ABCA13: variants seen among roughly 807,000 people sequenced by gnomAD.
ABCA13 encodes the protein ATP binding cassette subfamily A member 13, also known as ATP-binding cassette sub-family A member 13.
ABCA13 carries 476 observed loss-of-function variants against 478.7 expected under a neutral mutation model. That is an observed-to-expected ratio of 0.99 (90% CI 0.92 to 1.07). The LOEUF (loss-of-function observed/expected upper bound fraction) is 1.07. Ranked by LOEUF, ABCA13 falls within the 50% of genes least tolerant of loss-of-function variation. The pLI is 0.00. For synonymous variants in ABCA13, 2,252 were observed against 2,158.9 expected, an observed-to-expected ratio of 1.04 and a Z score of -1.20; for missense variants, 6,060 against 5,910.6, an observed-to-expected ratio of 1.03 and a Z score of -0.83.
At chr7:48,486,281 A>G (rs1005932858) in intron 47 of ABCA13, among the ~76,000 whole-genome samples, 3 of 152,076 alleles carry the variant, frequency 2.0e-5, no homozygotes, top group African/African-American at 4.8e-5. Context: ...AGTTCTTACA[A>G]TTGCACCCTT....
chr7:48,412,541 G>T lies in ABCA13; in HGVS notation c.12417G>T (p.Leu4139=), dbSNP rs1395307027. 5.6e-6 allele frequency: 9 copies of T among 1,612,932 alleles called. No individual in the cohort carries two copies. The Admixed American group carries it at 1.5e-4, about 27-fold the overall frequency. The change falls in exon 41 of 62, where the codon CTG becomes CTT. Residue 4139 remains leucine (L), a synonymous_variant. Transcript: ENST00000435803. ...FQALDENLHQ[L]HLTGYGISDT... ...CCCTGGATGAGAACCTGCATCAGCTGCACCTGACGGGCTATGGGATCTCAG... is the reference window on the plus strand; with the variant it reads ...CCCTGGATGAGAACCTGCATCAGCTTCACCTGACGGGCTATGGGATCTCAG...
intron 49 of ABCA13, 35 bp from the exon 50 acceptor site, chr7:48,507,837 T>G (rs757253554): frequency 6.4e-7 from 1 of 1,550,612 alleles, no homozygotes; most frequent in South Asian, 1.2e-5. Flanking sequence ...GTGTTCTTCG[T>G]CAGGTGCCTG....
intron 32 of ABCA13, among the ~76,000 whole-genome samples, chr7:48,370,792 A>G (rs933990990): frequency 1.3e-5 from 2 of 152,330 alleles, no homozygotes; most frequent in South Asian, 4.1e-4. Flanking sequence ...AAAGAGCACA[A>G]ATAGACAACC....
intron 2 of ABCA13, among the ~76,000 whole-genome samples, chr7:48,193,560 G>A (rs145519022): frequency 0.39 from 58,398 of 150,788 alleles, 12,899 homozygotes; most frequent in Non-Finnish European, 0.5. Flanking sequence ...TGATAGTGGT[G>A]ATTGTGATGA....
intron 55 of ABCA13, among the ~76,000 whole-genome samples, chr7:48,576,124 A>T (rs1386409138): frequency 1.3e-5 from 2 of 152,006 alleles, no homozygotes; most frequent in East Asian, 3.9e-4. Context: ...TTATAAGCAA[A>T]TTCTACAGTA....
chr7:48,352,200 C>G lies in ABCA13; in HGVS notation c.10401C>G (p.Ser3467=), dbSNP rs918681473. 1.2e-6 allele frequency: 2 copies of G among 1,605,766 alleles called. No homozygotes were observed. Among genetic ancestry groups the G allele is most frequent in the South Asian group, 2.2e-5 (2 of 90,730 alleles). Residue 3467 remains serine (S), a synonymous_variant, in exon 31 of 62, where the codon TCC becomes TCG. Coordinates refer to ENST00000435803, the MANE Select transcript of ABCA13 (RefSeq NM_152701.5). ...CACTAGGTATCATTTTCAGCAATTCCTTATTCGACAAGAACTTCAGATCAG... is the reference window on the plus strand; with the variant it reads ...CACTAGGTATCATTTTCAGCAATTCGTTATTCGACAAGAACTTCAGATCAG... ...SFLASIIFSN[S]LFDKNFRSES...
intron 55 of ABCA13, among the ~76,000 whole-genome samples, chr7:48,571,985 C>T (rs759671704): frequency 2.0e-5 from 3 of 152,152 alleles, no homozygotes; most frequent in Non-Finnish European, 4.4e-5. Flanking sequence ...CAACAGCAGC[C>T]TGCCCAACGT....
chr7:48,457,619 T>C (rs10237159), intron 43 of ABCA13, among the ~76,000 whole-genome samples: 1 of 152,128 alleles, frequency 6.6e-6, no homozygotes, highest in Admixed American at 6.5e-5. Context: ...CTATTTTAAA[T>C]TGAGATATTG....
At chr7:48,525,321 T>C (rs1274878258) in intron 54 of ABCA13, among the ~76,000 whole-genome samples, 1 of 152,144 alleles carries the variant, frequency 6.6e-6, no homozygotes, top group East Asian at 1.9e-4. Flanking sequence ...TATTGAACTA[T>C]TTTTTGTACC....
At chr7:48,569,568 A>G (rs1585840120) in intron 55 of ABCA13, among the ~76,000 whole-genome samples, 1 of 152,094 alleles carries the variant, frequency 6.6e-6, no homozygotes, top group African/African-American at 2.4e-5. Flanking sequence ...TCTTTCACCC[A>G]GGCTGGAGTG....
At position 48,350,753 on chromosome 7, in the gene ABCA13, C is replaced by T; in HGVS notation, c.10315C>T (p.Leu3439=). 1 of 1,613,920 alleles carries T rather than the reference C, an allele frequency of 6.2e-7. No homozygotes were observed. Among genetic ancestry groups the T allele is most frequent in the Non-Finnish European group, 8.5e-7 (1 of 1,179,856 alleles). ...SCVALNRFQA[L]QSVDILETKA... ...CGTGGCACTGAACCGTTTCCAGGCTCTGCAGTCTGTCGACATCCTGGAGAC... is the reference window on the plus strand; with the variant it reads ...CGTGGCACTGAACCGTTTCCAGGCTTTGCAGTCTGTCGACATCCTGGAGAC... The change falls in exon 30 of 62, where the codon CTG becomes TTG. Residue 3439 remains leucine (L), a synonymous_variant. Coordinates refer to ENST00000435803, the MANE Select transcript of ABCA13 (RefSeq NM_152701.5).
chr7:48,460,594 C>T (rs1239881178), intron 43 of ABCA13, among the ~76,000 whole-genome samples: 4 of 152,136 alleles, frequency 2.6e-5, no homozygotes, highest in African/African-American at 7.2e-5. Flanking sequence ...AAACTCATTC[C>T]GAATAAGATC....
At chr7:48,240,085 CT>C (rs1237664193) in intron 9 of ABCA13, among the ~76,000 whole-genome samples, 66 of 152,306 alleles carry the variant, frequency 4.3e-4, no homozygotes, top group African/African-American at 1.5e-3. Context: ...CATGTTTTTC[CT>C]TAAAGAACAC....
At chr7:48,623,528 CGTT>C (rs1216479178) in intron 59 of ABCA13, among the ~76,000 whole-genome samples, 10 of 152,122 alleles carry the variant, frequency 6.6e-5, no homozygotes, top group African/African-American at 9.7e-5. Context: ...CCATATTCAT[CGTT>C]ATTTGTAGTA....
At chr7:48,323,651 A>G (rs1803858689) in intron 27 of ABCA13, among the ~76,000 whole-genome samples, 1 of 152,246 alleles carries the variant, frequency 6.6e-6, no homozygotes, top group South Asian at 2.1e-4. Context: ...CAAGGTTGAA[A>G]GAGGATAAGT....
intron 27 of ABCA13, among the ~76,000 whole-genome samples, chr7:48,332,947 G>C (rs58054165): frequency 6.6e-6 from 1 of 152,158 alleles, no homozygotes; most frequent in Non-Finnish European, 1.5e-5. Context: ...TTGAGTGTTT[G>C]CTAAGCTTCC....
Position 48,392,033 on chromosome 7 carries a change from C to G in ABCA13, c.11767C>G (p.Gln3923Glu), listed in dbSNP as rs1252931595. 6.2e-7 allele frequency: 1 copy of G among 1,614,006 alleles called. No individual in the cohort carries two copies. Among genetic ancestry groups the G allele is most frequent in the South Asian group, 1.1e-5 (1 of 91,082 alleles). ...AATGGAGCTTGGTGTGTGTCCGCAG[C>G]AGGACATCCTGTTGGACAACCTCAC... ...VRMELGVCPQ[Q>E]DILLDNLTVR... The change falls in exon 38 of 62, where the codon CAG becomes GAG. Residue 3923 changes from glutamine (Q) to glutamate (E), a missense_variant. By Grantham distance (29) the Gln-to-Glu change is conservative. Around this residue, in one of 3 missense-constraint regions of ABCA13, gnomAD observed 1,627 missense variants for 1,571.0 expected, o/e 1.04. Transcript: ENST00000435803.
rs913438932 is a variant in ABCA13 at position 48,193,121 on chromosome 7, T to C, written c.163+69T>C. 37 of 1,126,136 alleles carry C rather than the reference T, an allele frequency of 3.3e-5. No homozygotes were observed. In the Middle Eastern group the frequency reaches 6.0e-4, roughly 18 times the overall value. 69.8% of individuals were successfully genotyped at this position (1,126,136 alleles called of 1,614,324 possible). ...GAAAAAAAACTCATAGCACTCTTTC[T>C]TGTTTTTTATAAACTCTGAATGCTG... On this transcript the variant is annotated intron_variant, in intron 2 of 61. Transcript: ENST00000435803.
intron 31 of ABCA13, among the ~76,000 whole-genome samples, chr7:48,363,840 G>T (rs937654695): frequency 1.3e-5 from 2 of 151,968 alleles, no homozygotes; most frequent in Non-Finnish European, 2.9e-5. Flanking sequence ...TGATTGTGCT[G>T]TGTGGTGTTT....
Sources: allele counts gnomAD v4.1 joint callset (sites outside exome capture counted in the v4.1 genomes callset), GRCh38; gene constraint gnomAD v4.1.1; regional missense constraint gnomAD v4.1.1; transcripts MANE v1.5; gene names NCBI Gene and HGNC (gene_info 2026-07-23, HGNC 2026-07-21).